Variants in AKAP19 observed in about 807,000 individuals in gnomAD.
AKAP19 encodes small A-kinase anchoring protein.
At chr2:189,943,916 C>T in the AKAP19 span, among the ~76,000 whole-genome samples, 1 of 152,220 alleles carries the variant, frequency 6.6e-6, no homozygotes, top group Admixed American at 6.5e-5. Flanking sequence ...TTACTCAGTG[C>T]TTATACCTCC....
chr2:189,915,890 C>T, the AKAP19 span, among the ~76,000 whole-genome samples: 1 of 151,922 alleles, frequency 6.6e-6, no homozygotes, highest in African/African-American at 2.4e-5. Context: ...ATATTTTTTG[C>T]TCAATTTAAT....
the AKAP19 span, among the ~76,000 whole-genome samples, chr2:190,098,751 C>G: frequency 6.6e-6 from 1 of 152,180 alleles, no homozygotes; most frequent in East Asian, 1.9e-4. Context: ...GCTGTCTCAT[C>G]TACATTGAAA....
chr2:190,029,634 G>A, the AKAP19 span, among the ~76,000 whole-genome samples: 1 of 152,186 alleles, frequency 6.6e-6, no homozygotes, highest in African/African-American at 2.4e-5. Flanking sequence ...TTTAAGTTTT[G>A]TGGGTTGTAT....
chr2:190,070,113 T>C, the AKAP19 span, among the ~76,000 whole-genome samples: 17 of 152,194 alleles, frequency 1.1e-4, no homozygotes, highest in Non-Finnish European at 2.1e-4. Flanking sequence ...AGTGCCACAG[T>C]GGTGCCCTTT....
the AKAP19 span, among the ~76,000 whole-genome samples, chr2:190,016,030 A>G: frequency 1.3e-5 from 2 of 152,192 alleles, no homozygotes; most frequent in Admixed American, 6.5e-5. Flanking sequence ...AAACCATTCA[A>G]CAAGTCTCTA....
chr2:189,894,361 G>T, the AKAP19 span, among the ~76,000 whole-genome samples: 6 of 152,022 alleles, frequency 3.9e-5, no homozygotes, highest in Admixed American at 6.6e-5. Context: ...TCTTAGAATG[G>T]ATATCTGAAG....
the AKAP19 span, among the ~76,000 whole-genome samples, chr2:190,073,065 GA>G: frequency 2.1e-4 from 32 of 151,972 alleles, no homozygotes; most frequent in Non-Finnish European, 4.7e-4. Flanking sequence ...TTTTTAAAGA[GA>G]AAAAACACAC....
chr2:189,930,947 C>T, the AKAP19 span: 2 of 767,938 alleles, frequency 2.6e-6, no homozygotes, highest in Non-Finnish European at 4.5e-6. Context: ...CTAGCCCAGT[C>T]GGACTGAGAC....
At chr2:190,136,945 A>G in the AKAP19 span, among the ~76,000 whole-genome samples, 1 of 152,354 alleles carries the variant, frequency 6.6e-6, no homozygotes, top group East Asian at 1.9e-4. Flanking sequence ...AAATGGGAAT[A>G]TGGTAAAAGC....
chr2:190,158,020 C>T, the AKAP19 span, among the ~76,000 whole-genome samples: 5 of 152,188 alleles, frequency 3.3e-5, no homozygotes, highest in African/African-American at 1.2e-4. Context: ...GCTTAGAAAC[C>T]GATGTTATTC....
At chr2:190,060,417 A>G in the AKAP19 span, 4 of 1,609,968 alleles carry the variant, frequency 2.5e-6, no homozygotes, top group South Asian at 1.1e-5. Flanking sequence ...TTTTCCATCC[A>G]CTTGCATTAG....
At chr2:189,930,417 G>A in the AKAP19 span, 15 of 269,834 alleles carry the variant, frequency 5.6e-5, no homozygotes, top group African/African-American at 2.7e-4. Flanking sequence ...GTGGCTTCAC[G>A]CCTGTAATCC....
the AKAP19 span, among the ~76,000 whole-genome samples, chr2:189,909,884 ATAAC>A: frequency 1.3e-5 from 2 of 152,008 alleles, no homozygotes; most frequent in Non-Finnish European, 2.9e-5. Context: ...TTGATGATGA[ATAAC>A]TACTAGTTTC....
At chr2:189,917,916 AT>A in the AKAP19 span, among the ~76,000 whole-genome samples, 106 of 152,008 alleles carry the variant, frequency 7.0e-4, no homozygotes, top group Admixed American at 1.8e-3. Context: ...TCATGTCAAA[AT>A]TTTTTAGAAT....
At chr2:189,940,823 G>A in the AKAP19 span, among the ~76,000 whole-genome samples, 29 of 152,110 alleles carry the variant, frequency 1.9e-4, no homozygotes, top group African/African-American at 6.0e-4. Context: ...CCTGGGAGGC[G>A]GAGCTTGCAG....
At chr2:190,108,162 G>T in the AKAP19 span, among the ~76,000 whole-genome samples, 1 of 152,128 alleles carries the variant, frequency 6.6e-6, no homozygotes, top group Non-Finnish European at 1.5e-5. Context: ...CTGGTTTGTT[G>T]TTGTTATTTT....
At chr2:190,045,208 G>A in the AKAP19 span, among the ~76,000 whole-genome samples, 10 of 152,190 alleles carry the variant, frequency 6.6e-5, no homozygotes, top group African/African-American at 2.2e-4. Flanking sequence ...AATGGGATCT[G>A]GACCCGCTTA....
At chr2:190,199,573 T>TA in the AKAP19 span, 3 of 392,558 alleles carry the variant, frequency 7.6e-6, no homozygotes, top group Non-Finnish European at 1.3e-5. Flanking sequence ...AAGATAAAGC[T>TA]GTTTGTTTTT....
At chr2:190,163,285 T>C in the AKAP19 span, among the ~76,000 whole-genome samples, 4 of 151,748 alleles carry the variant, frequency 2.6e-5, no homozygotes, top group Non-Finnish European at 5.9e-5. Context: ...ATACAAAAAA[T>C]TAGCCGGGCG....
Sources: gnomAD v4.1 joint callset for allele counts (sites outside exome capture counted in the v4.1 genomes callset) on GRCh38, gnomAD v4.1.1 for gene constraint, MANE v1.5 for transcripts, NCBI Gene and HGNC (gene_info 2026-07-23, HGNC 2026-07-21) for gene names.